Variants in PTP4A2 observed in about 807,000 individuals in gnomAD.
PTP4A2 encodes protein tyrosine phosphatase type IVA 2.
A neutral mutation model predicts 22.9 loss-of-function variants in PTP4A2; 2 were observed. That is an observed-to-expected ratio of 0.09 (90% CI 0.04 to 0.27). The LOEUF (loss-of-function observed/expected upper bound fraction) is 0.27, where lower values mean the gene tolerates loss of function less well. Ranked by LOEUF, PTP4A2 falls within the 10% of genes least tolerant of loss-of-function variation. The pLI, the probability that PTP4A2 is intolerant of heterozygous loss-of-function variation, is 1.00. For missense variants in PTP4A2, 103 were observed against 205.1 expected (o/e 0.50, Z 3.04); for synonymous variants, 68 against 69.1 (o/e 0.98, Z 0.08).
At chr1:31,937,316 G>A (rs1254953690) in intron 1 of PTP4A2, among the ~76,000 whole-genome samples, 2 of 152,076 alleles carry the variant, frequency 1.3e-5, no homozygotes, top group African/African-American at 2.4e-5. Context: ...GCCGCTGGAG[G>A]AGACTTATAC....
Position 31,908,141 on chromosome 1 carries a change from T to A in PTP4A2, c.*711A>T, listed in dbSNP as rs867247343. 1 of 2,214 alleles carries A rather than the reference T, an allele frequency of 4.5e-4. No individual in the cohort carries two copies. The highest frequency in any genetic ancestry group is 1.3e-3 in the African/African-American group (1 of 768). 0.1% of individuals were successfully genotyped at this position (2,214 alleles called of 1,614,324 possible). A position where few individuals can be genotyped will look rare whatever the true frequency, so the allele number is the denominator to read the frequency against. Reference sequence around the variant, plus strand: ...ATATATATATATATATATATTATATTATATATATATATATATATATATATA... The same window carrying A: ...ATATATATATATATATATATTATATAATATATATATATATATATATATATA... On this transcript the variant is annotated 3_prime_UTR_variant, in exon 6 of 6. Transcript: ENST00000647444.
chr1:31,936,648 A>T (rs1032411914), intron 1 of PTP4A2, among the ~76,000 whole-genome samples: 2 of 152,216 alleles, frequency 1.3e-5, no homozygotes, highest in Non-Finnish European at 2.9e-5. Context: ...CATGATAATA[A>T]TTAGTCCATT....
intron 1 of PTP4A2, among the ~76,000 whole-genome samples, chr1:31,922,868 TGCCTCG>T (rs1051995125): frequency 1.3e-5 from 2 of 151,854 alleles, no homozygotes; most frequent in African/African-American, 4.8e-5. Flanking sequence ...ACCAACCTCC[TGCCTCG>T]GCCTCCCAAA....
At position 31,908,094 on chromosome 1, in the gene PTP4A2, G is replaced by A. The variant is rs1385912643; in HGVS notation, c.*758C>T. 6 of 89,582 alleles carry A rather than the reference G, an allele frequency of 6.7e-5. No individual in the cohort carries two copies. Among genetic ancestry groups the A allele is most frequent in the South Asian group, 4.0e-4 (1 of 2,512 alleles). 5.5% of individuals were successfully genotyped at this position (89,582 alleles called of 1,614,324 possible). The stretch of plus-strand genomic sequence containing the variant: ...ACATGAACACCCTTTCATCAGTAAA[G>A]ACTAAAAACCACCTGGAAAATATAT... On this transcript the variant is annotated 3_prime_UTR_variant, in exon 6 of 6. Transcript: ENST00000647444.
intron 3 of PTP4A2, 77 bp downstream of exon 3, chr1:31,915,818 C>T (rs922024590): frequency 2.8e-5 from 27 of 961,820 alleles, no homozygotes; most frequent in Non-Finnish European, 4.3e-5. Flanking sequence ...TGAGCCAGTG[C>T]ACCTGGCCTA....
chr1:31,925,873 C>T (rs1294585488), intron 1 of PTP4A2, among the ~76,000 whole-genome samples: 1 of 151,878 alleles, frequency 6.6e-6, no homozygotes, highest in African/African-American at 2.4e-5. Flanking sequence ...TTGGCGGGCA[C>T]AGTGGCTCAT....
At chr1:31,923,184 C>T (rs1261732579) in intron 1 of PTP4A2, among the ~76,000 whole-genome samples, 1 of 151,906 alleles carries the variant, frequency 6.6e-6, no homozygotes, top group Non-Finnish European at 1.5e-5. Flanking sequence ...GCTGGGATTA[C>T]AGACGTGAGC....
chr1:31,930,161 A>T (rs982423293), intron 1 of PTP4A2, among the ~76,000 whole-genome samples: 2 of 151,836 alleles, frequency 1.3e-5, no homozygotes, highest in Admixed American at 1.3e-4. Context: ...ACACGGTGAA[A>T]CCCCGTCTCT....
chr1:31,930,786 T>A (rs1294846703), intron 1 of PTP4A2: 1 of 152,226 alleles, frequency 6.6e-6, no homozygotes, highest in African/African-American at 2.4e-5. Flanking sequence ...AATTGTCCAA[T>A]AATGGCATCC....
chr1:31,932,443 A>C (rs922733997), intron 1 of PTP4A2, among the ~76,000 whole-genome samples: 1 of 152,248 alleles, frequency 6.6e-6, no homozygotes, highest in African/African-American at 2.4e-5. Flanking sequence ...TTATATTCAA[A>C]TGATGAAATT....
Position 31,932,518 on chromosome 1 carries a change from T to C in PTP4A2, c.-594+5469A>G, listed in dbSNP as rs895524457. ...CATAACCTGTGGGCAAGAAAATCAG[T>C]ATAGGCAAACAAAAACCGTCTACAT... On this transcript the variant is annotated intron_variant, in intron 1 of 5. Coordinates refer to ENST00000647444, the MANE Select transcript of PTP4A2 (RefSeq NM_080391.4). Among the ~76,000 whole-genome samples the C allele has an allele frequency of 6.6e-5, 10 of 152,190 alleles. No homozygotes were observed. The East Asian group carries it at 7.7e-4, about 12-fold the overall frequency.
rs532135452 is a variant in PTP4A2 at position 31,913,742 on chromosome 1, T to A, written c.190-1916A>T. On this transcript the variant is annotated intron_variant, in intron 3 of 5. Transcript: ENST00000647444. Reference sequence around the variant, plus strand: ...AGGCCTACCATTATCTTCCTCAAACTAGTTCAAGTTCTTTAGTTCATTTCT... The same window carrying A: ...AGGCCTACCATTATCTTCCTCAAACAAGTTCAAGTTCTTTAGTTCATTTCT... 11 of 452,956 alleles carry A rather than the reference T, an allele frequency of 2.4e-5. No individual in the cohort carries two copies. In the East Asian group the frequency reaches 7.7e-4, roughly 32 times the overall value. 28.1% of individuals were successfully genotyped at this position (452,956 alleles called of 1,614,324 possible).
At chr1:31,920,133 A>G (rs1405083984) in intron 1 of PTP4A2, among the ~76,000 whole-genome samples, 1 of 137,578 alleles carries the variant, frequency 7.3e-6, no homozygotes, top group Non-Finnish European at 1.6e-5. Context: ...CCTCAAAAAA[A>G]AAAAAAAAAA....
chr1:31,928,236 A>G (rs1018202693), intron 1 of PTP4A2, among the ~76,000 whole-genome samples: 15 of 147,584 alleles, frequency 1.0e-4, no homozygotes, highest in African/African-American at 3.2e-4. Flanking sequence ...AATATAATAT[A>G]TAGCATAATA....
intron 4 of PTP4A2, chr1:31,910,672 T>G (rs1651489216): frequency 6.6e-6 from 1 of 152,250 alleles, no homozygotes; most frequent in Non-Finnish European, 1.5e-5. Flanking sequence ...ACATTATATA[T>G]TAAATTCTCT....
intron 3 of PTP4A2, among the ~76,000 whole-genome samples, chr1:31,913,214 C>T (rs1651636934): frequency 6.6e-6 from 1 of 152,136 alleles, no homozygotes; most frequent in East Asian, 1.9e-4. Flanking sequence ...TTGGGGATAT[C>T]CTCTTACCAT....
chr1:31,922,434 G>C (rs1032143301), intron 1 of PTP4A2, among the ~76,000 whole-genome samples: 1 of 152,188 alleles, frequency 6.6e-6, no homozygotes, highest in Non-Finnish European at 1.5e-5. Context: ...AGGGAGCCAA[G>C]ATTGTGCCAC....
At chr1:31,930,020 C>T (rs553089534) in intron 1 of PTP4A2, among the ~76,000 whole-genome samples, 1 of 152,282 alleles carries the variant, frequency 6.6e-6, no homozygotes, top group African/African-American at 2.4e-5. Flanking sequence ...AAAAACTTTC[C>T]GGCTACTGTT....
rs1243088060 is a variant in PTP4A2 at position 31,926,147 on chromosome 1, A to AT, written c.-593-6490_-593-6489insA. On this transcript the variant is annotated intron_variant, in intron 1 of 5. Coordinates refer to ENST00000647444, the MANE Select transcript of PTP4A2 (RefSeq NM_080391.4). ...CGTTTCAAAAAATTAAAAAAAAAAA[A>AT]AAATATATATATATATATATATTTA... Among the ~76,000 whole-genome samples, 659 of 127,388 alleles carry AT rather than the reference A, an allele frequency of 5.2e-3. 14 individuals are homozygous for AT. Among genetic ancestry groups the AT allele is most frequent in the East Asian group, 0.013 (65 of 4,886 alleles). The allele number at this position is 127,388 out of a possible 152,430, so 83.6% of individuals were successfully genotyped here.
Sources: gnomAD v4.1 joint callset for allele counts (sites outside exome capture counted in the v4.1 genomes callset) on GRCh38, gnomAD v4.1.1 for gene constraint, MANE v1.5 for transcripts, NCBI Gene and HGNC (gene_info 2026-07-23, HGNC 2026-07-21) for gene names.